PPARG: variants seen among roughly 807,000 people sequenced by gnomAD.
The protein encoded by PPARG is peroxisome proliferator-activated receptor gamma.
In PPARG, 17 loss-of-function variants were observed where a neutral mutation model predicts 39.2. The observed-to-expected ratio is 0.43, with a 90% CI of 0.30 to 0.65. The LOEUF (loss-of-function observed/expected upper bound fraction) is 0.65. PPARG is among the 30% of genes least tolerant of loss of function. The probability of loss-of-function intolerance (pLI) is 0.13; values close to 1 mark genes in which losing one functional copy is unlikely to be tolerated. For synonymous variants in PPARG, 223 were observed against 215.7 expected (o/e 1.03, Z -0.30); for missense variants, 406 against 585.9 (o/e 0.69, Z 3.17).
At chr3:12,300,016 T>G (rs1398715526) in intron 1 of PPARG, among the ~76,000 whole-genome samples, 3 of 152,226 alleles carry the variant, frequency 2.0e-5, no homozygotes, top group Non-Finnish European at 4.4e-5. Flanking sequence ...AATATCATAT[T>G]GACCACTTAG....
At chr3:12,330,830 C>G (rs1277857569) in intron 2 of PPARG, among the ~76,000 whole-genome samples, 1 of 152,172 alleles carries the variant, frequency 6.6e-6, no homozygotes, top group Non-Finnish European at 1.5e-5. Flanking sequence ...AAATTTTACA[C>G]CTTGAAGAGA....
chr3:12,428,230 T>C (rs927833498), intron 7 of PPARG, among the ~76,000 whole-genome samples: 1 of 152,210 alleles, frequency 6.6e-6, no homozygotes, highest in Non-Finnish European at 1.5e-5. Flanking sequence ...AGATGGAAGC[T>C]TTGTAGATTT....
At chr3:12,308,526 T>C (rs1030932464) in intron 1 of PPARG, among the ~76,000 whole-genome samples, 3 of 152,150 alleles carry the variant, frequency 2.0e-5, no homozygotes, top group Non-Finnish European at 4.4e-5. Flanking sequence ...TGCATGCTAT[T>C]ATTAAAACTT....
At chr3:12,367,729 A>G (rs982279046) in intron 2 of PPARG, among the ~76,000 whole-genome samples, 1 of 151,612 alleles carries the variant, frequency 6.6e-6, no homozygotes, top group Admixed American at 6.6e-5. Context: ...AAAAAATTAG[A>G]TGAATGTGGT....
At chr3:12,424,065 A>G (rs1419446344) in intron 7 of PPARG, among the ~76,000 whole-genome samples, 1 of 152,190 alleles carries the variant, frequency 6.6e-6, no homozygotes, top group Non-Finnish European at 1.5e-5. Context: ...GGCTTTGAAT[A>G]ATGACTCGCT....
chr3:12,305,675 A>T, intron 1 of PPARG: 1 of 152,244 alleles, frequency 6.6e-6, no homozygotes, highest in Non-Finnish European at 1.5e-5. Context: ...CTCAACAAAT[A>T]ATTGTTGCTT....
chr3:12,356,332 A>C (rs1306058145), intron 2 of PPARG, among the ~76,000 whole-genome samples: 1 of 152,134 alleles, frequency 6.6e-6, no homozygotes, highest in African/African-American at 2.4e-5. Context: ...CTGCCATCCA[A>C]CTCTTATAAC....
chr3:12,366,182 T>C (rs1052161329), intron 2 of PPARG, among the ~76,000 whole-genome samples: 1 of 152,128 alleles, frequency 6.6e-6, no homozygotes, highest in South Asian at 2.1e-4. Context: ...ACAGACATTA[T>C]GAGGAAAATG....
chr3:12,308,367 A>G (rs1008482647), intron 1 of PPARG, among the ~76,000 whole-genome samples: 3 of 149,062 alleles, frequency 2.0e-5, no homozygotes, highest in Admixed American at 6.7e-5. Flanking sequence ...AAAAAAAAAA[A>G]AAAGGGAGAA....
intron 6 of PPARG, chr3:12,406,314 A>C (rs2050664614): frequency 3.5e-6 from 2 of 571,352 alleles, no homozygotes; most frequent in South Asian, 3.9e-5. Flanking sequence ...GAATAGTGTA[A>C]CAATGTATTG....
chr3:12,311,245 A>G (rs1195546067), intron 1 of PPARG, among the ~76,000 whole-genome samples: 1 of 152,086 alleles, frequency 6.6e-6, no homozygotes, highest in Non-Finnish European at 1.5e-5. Flanking sequence ...CTGGGACTAC[A>G]GGCACATGCC....
In PPARG at chr3:12,358,990, C is replaced by T. The variant is rs1237338381; in HGVS notation, c.-8-20714C>T. 3.3e-5 allele frequency among the ~76,000 whole-genome samples: 5 copies of T among 152,152 alleles called. No homozygotes were observed. In the East Asian group the frequency reaches 9.6e-4, roughly 29 times the overall value. ...ATCCAAATCTTGATCATCCCAATGGCTCCACATAATTTGGACACCATGTCT... is the reference window on the plus strand; with the variant it reads ...ATCCAAATCTTGATCATCCCAATGGTTCCACATAATTTGGACACCATGTCT... On this transcript the variant is annotated intron_variant, in intron 2 of 7. Transcript: ENST00000651735.
Position 12,320,625 on chromosome 3 carries a change from A to G in PPARG, c.-9+8172A>G, listed in dbSNP as rs1446820503. 1.3e-5 allele frequency among the ~76,000 whole-genome samples: 2 copies of G among 152,224 alleles called. 1 individual carries two copies. Among genetic ancestry groups the G allele is most frequent in the Non-Finnish European group, 2.9e-5 (2 of 68,036 alleles). ...GTGGGTGGGTTACACCTGTAATCCC[A>G]GCAGTTTGGGAGGCCCAGGTGGGAG... On this transcript the variant is annotated intron_variant, in intron 2 of 7. Transcript: ENST00000651735.
intron 1 of PPARG, among the ~76,000 whole-genome samples, chr3:12,311,037 A>G (rs570665733): frequency 1.3e-5 from 2 of 152,264 alleles, no homozygotes; most frequent in South Asian, 4.1e-4. Flanking sequence ...AGCTCTTTCT[A>G]AAGAAGAACA....
chr3:12,359,028 T>C (rs532426066), intron 2 of PPARG, among the ~76,000 whole-genome samples: 1 of 152,286 alleles, frequency 6.6e-6, no homozygotes, highest in South Asian at 2.1e-4. Context: ...CAGAAAGCTA[T>C]CCCTGATTAT....
At chr3:12,341,723 C>T (rs146477206) in intron 2 of PPARG, among the ~76,000 whole-genome samples, 2 of 152,224 alleles carry the variant, frequency 1.3e-5, no homozygotes, top group Admixed American at 6.5e-5. Flanking sequence ...GTAGGAGGAT[C>T]GCTTGAGCCT....
chr3:12,425,476 G>C (rs1020463021), intron 7 of PPARG, among the ~76,000 whole-genome samples: 1 of 152,100 alleles, frequency 6.6e-6, no homozygotes, highest in African/African-American at 2.4e-5. Context: ...AGGAGTTCTT[G>C]GTATTCCCTT....
intron 1 of PPARG, among the ~76,000 whole-genome samples, chr3:12,310,778 G>T (rs1383042098): frequency 1.9e-5 from 2 of 105,180 alleles, no homozygotes; most frequent in Non-Finnish European, 3.5e-5. Flanking sequence ...CTTTTTAATA[G>T]TTGCCTTAAA....
At chr3:12,421,143 C>T (rs2051246864) in intron 7 of PPARG, among the ~76,000 whole-genome samples, 1 of 152,234 alleles carries the variant, frequency 6.6e-6, no homozygotes, top group African/African-American at 2.4e-5. Flanking sequence ...GGAACTAACA[C>T]TGAAACCTGG....
Sources: gnomAD v4.1 joint callset for allele counts (sites outside exome capture counted in the v4.1 genomes callset) on GRCh38, gnomAD v4.1.1 for gene constraint, MANE v1.5 for transcripts, NCBI Gene and HGNC (gene_info 2026-07-23, HGNC 2026-07-21) for gene names.